CDH18: variants seen among roughly 807,000 people sequenced by gnomAD.
The protein encoded by CDH18 is cadherin 18.
Under a neutral mutation model 67.9 loss-of-function variants are expected in CDH18, and 31 were observed. The ratio of observed to expected loss-of-function variants is 0.46; its 90% confidence interval spans 0.34 to 0.62. The LOEUF is 0.62. Among genes scored for constraint, CDH18 ranks in the 20% least tolerant of loss-of-function variants. The probability of loss-of-function intolerance (pLI) is 0.01; values close to 1 mark genes in which losing one functional copy is unlikely to be tolerated. For missense variants in CDH18, 890 were observed against 975.5 expected, an observed-to-expected ratio of 0.91 and a Z score of 1.17; for synonymous variants, 362 against 347.2, an observed-to-expected ratio of 1.04 and a Z score of -0.48.
intron 5 of CDH18, among the ~76,000 whole-genome samples, chr5:19,713,446 T>C: frequency 6.6e-6 from 1 of 152,136 alleles, no homozygotes; most frequent in Non-Finnish European, 1.5e-5. Flanking sequence ...AAGTGTACAA[T>C]TCAACCTAAT....
chr5:20,007,672 A>AGTGTGTGTGTGTGTGTGT, intron 2 of CDH18, among the ~76,000 whole-genome samples: 1 of 140,240 alleles, frequency 7.1e-6, no homozygotes, highest in South Asian at 2.5e-4. Context: ...GTGTGTGGAA[A>AGTGTGTGTGTGTGTGTGT]GTGTGTGTGT....
intron 2 of CDH18, among the ~76,000 whole-genome samples, chr5:19,994,160 A>G (rs1425530647): frequency 6.6e-6 from 1 of 152,044 alleles, no homozygotes; most frequent in East Asian, 1.9e-4. Context: ...ACAAAACGGT[A>G]TCAGCTTTGT....
intron 2 of CDH18, among the ~76,000 whole-genome samples, chr5:20,114,091 A>G (rs1747697964): frequency 6.6e-6 from 1 of 152,234 alleles, no homozygotes; most frequent in Non-Finnish European, 1.5e-5. Flanking sequence ...ATATGTCTAT[A>G]AGCGGGACGC....
intron 2 of CDH18, among the ~76,000 whole-genome samples, chr5:19,954,748 A>C (rs1415963717): frequency 6.6e-6 from 1 of 152,036 alleles, no homozygotes; most frequent in Non-Finnish European, 1.5e-5. Context: ...AAATACAAAC[A>C]CACACACACT....
intron 1 of CDH18, among the ~76,000 whole-genome samples, chr5:20,491,469 G>A (rs1753579407): frequency 6.6e-6 from 1 of 152,138 alleles, no homozygotes. Flanking sequence ...AAAGGAATTA[G>A]CTCATGTGAT....
At chr5:20,382,681 A>G (rs1224008340) in intron 1 of CDH18, among the ~76,000 whole-genome samples, 1 of 152,166 alleles carries the variant, frequency 6.6e-6, no homozygotes, top group African/African-American at 2.4e-5. Flanking sequence ...CTAGTGACAG[A>G]AGCAATAAAC....
chr5:20,034,093 A>G (rs1404969785), intron 2 of CDH18, among the ~76,000 whole-genome samples: 5 of 152,026 alleles, frequency 3.3e-5, no homozygotes, highest in Non-Finnish European at 5.9e-5. Context: ...CGTTAGACAC[A>G]TATGTGGATG....
rs866822170 is a variant in CDH18, at chr5:20,253,504, C to T, written c.-518+1940G>A. ...AACATTCAAACCCCATCCAAGGGAT[C>T]CAAAGAATCCAGTAAAATGATCCAA... On this transcript the variant is annotated intron_variant, in intron 2 of 14. Coordinates refer to the CDH18 transcript ENST00000507958. Among the ~76,000 whole-genome samples the T allele has an allele frequency of 9.2e-5, 14 of 152,264 alleles. No homozygotes were observed. The Middle Eastern group carries it at 0.014, about 148-fold the overall frequency.
At chr5:19,972,869 AAATAG>A (rs1340196304) in intron 2 of CDH18, among the ~76,000 whole-genome samples, 1 of 152,040 alleles carries the variant, frequency 6.6e-6, no homozygotes, top group South Asian at 2.1e-4. Flanking sequence ...TAGAAATAGT[AAATAG>A]AATAGTAGTA....
At chr5:20,046,624 TA>T (rs1344430368) in intron 2 of CDH18, among the ~76,000 whole-genome samples, 2 of 148,090 alleles carry the variant, frequency 1.4e-5, no homozygotes, top group Non-Finnish European at 3.0e-5. Context: ...ATATTATATA[TA>T]AAATATATAA....
chr5:19,941,305 T>A (rs1794791607), intron 2 of CDH18, among the ~76,000 whole-genome samples: 1 of 152,096 alleles, frequency 6.6e-6, no homozygotes. Flanking sequence ...GAAATGAATT[T>A]CTGTGTTCGT....
intron 2 of CDH18, among the ~76,000 whole-genome samples, chr5:20,057,629 T>A (rs1384459677): frequency 6.6e-6 from 1 of 152,276 alleles, no homozygotes; most frequent in Non-Finnish European, 1.5e-5. Context: ...ACTGAACTAC[T>A]TTTTCATAAT....
intron 2 of CDH18, among the ~76,000 whole-genome samples, chr5:19,949,373 T>A (rs2150257491): frequency 6.6e-6 from 1 of 152,288 alleles, no homozygotes; most frequent in Admixed American, 6.5e-5. Context: ...TAATATTTCA[T>A]GTAGAGGCAG....
intron 1 of CDH18, among the ~76,000 whole-genome samples, chr5:20,313,649 C>T (rs1422603290): frequency 6.6e-6 from 1 of 151,888 alleles, no homozygotes; most frequent in Non-Finnish European, 1.5e-5. Flanking sequence ...AAGTTTGTAG[C>T]AATATGGCTG....
At chr5:19,928,292 G>T (rs984727431) in intron 2 of CDH18, among the ~76,000 whole-genome samples, 7 of 151,988 alleles carry the variant, frequency 4.6e-5, no homozygotes, top group Admixed American at 3.9e-4. Flanking sequence ...TGTATTTTCG[G>T]TACTAAAAAC....
At chr5:20,087,247 A>G (rs1046070052) in intron 2 of CDH18, among the ~76,000 whole-genome samples, 2 of 152,148 alleles carry the variant, frequency 1.3e-5, no homozygotes, top group Admixed American at 1.3e-4. Flanking sequence ...ATGGGTTAGG[A>G]GTTGCATAAC....
intron 5 of CDH18, among the ~76,000 whole-genome samples, chr5:19,633,482 T>C (rs1183492617): frequency 2.6e-5 from 4 of 152,342 alleles, no homozygotes; most frequent in Non-Finnish European, 4.4e-5. Context: ...TATATAACTA[T>C]ATTAATTCAA....
intron 2 of CDH18, among the ~76,000 whole-genome samples, chr5:19,952,986 C>A (rs1287496985): frequency 2.0e-5 from 3 of 152,016 alleles, no homozygotes; most frequent in Admixed American, 6.6e-5. Context: ...ATTAGACTAG[C>A]AAACACATAT....
At chr5:20,496,684 G>A (rs1753927913) in intron 1 of CDH18, among the ~76,000 whole-genome samples, 1 of 151,966 alleles carries the variant, frequency 6.6e-6, no homozygotes, top group South Asian at 2.1e-4. Context: ...GCTTTTACTT[G>A]TATGGCATGG....
Sources: allele counts gnomAD v4.1 joint callset (sites outside exome capture counted in the v4.1 genomes callset), GRCh38; gene constraint gnomAD v4.1.1; transcripts MANE v1.5; gene names NCBI Gene and HGNC (gene_info 2026-07-23, HGNC 2026-07-21).